Variants in ZNF264 observed in about 807,000 individuals in gnomAD.
ZNF264 encodes the protein zinc finger protein 264.
In ZNF264, 11 loss-of-function variants were observed where a neutral mutation model predicts 11.2. The ratio of observed to expected loss-of-function variants is 0.98; its 90% CI spans 0.62 to 1.63. The LOEUF (loss-of-function observed/expected upper bound fraction) is 1.63, where lower values mean the gene tolerates loss of function less well. Ranked by LOEUF, ZNF264 falls within the 40% of genes most tolerant of loss-of-function variation. ZNF264 has a pLI of 0.00. For synonymous variants in ZNF264, 309 were observed against 279.8 expected, an observed-to-expected ratio of 1.10 and a Z score of -1.04; for missense variants, 752 against 768.1, an observed-to-expected ratio of 0.98 and a Z score of 0.25.
rs534341364 is a variant in ZNF264 at position 57,220,019 on chromosome 19, G to T, written c.*7038G>T. On this transcript the variant is annotated 3_prime_UTR_variant, in exon 4 of 4. Transcript: ENST00000263095. ...CTCTTTCAACATTTACAGCATCTGT[G>T]TGTGGTAGGTAATGTTGTTTCCTTC... 6.6e-5 allele frequency: 10 copies of T among 152,372 alleles called. No individual in the cohort carries two copies. Among genetic ancestry groups the T allele is most frequent in the African/African-American group, 2.4e-4 (10 of 41,592 alleles). 9.4% of individuals were successfully genotyped at this position (152,372 alleles called of 1,614,324 possible). A position where few individuals can be genotyped will look rare whatever the true frequency, so the allele number is the denominator to read the frequency against.
chr19:57,219,476 A>T lies in ZNF264; in HGVS notation c.*6495A>T, dbSNP rs2087402139. 6.6e-6 allele frequency: 1 copy of T among 152,214 alleles called. No individual in the cohort carries two copies. The highest frequency in any genetic ancestry group is 1.5e-5 in the Non-Finnish European group (1 of 68,096). The allele number at this position is 152,214 out of a possible 1,614,324, so 9.4% of individuals were successfully genotyped here. On this transcript the variant is annotated 3_prime_UTR_variant, in exon 4 of 4. Coordinates refer to ENST00000263095, the MANE Select transcript of ZNF264 (RefSeq NM_003417.5). ...GGTCTGTGTAGTTGTTCTGCACACT[A>T]CCCGTCCTCGCCCCTTCTCATTTCC...
Position 57,221,213 on chromosome 19 carries a change from G to C in ZNF264, c.*8232G>C, listed in dbSNP as rs1366629521. Reference sequence around the variant, plus strand: ...CTACAGGTGCCTGCGACCACACCCAGCTAATTTTTGTATTTTTAGTAGTAG... The same window carrying C: ...CTACAGGTGCCTGCGACCACACCCACCTAATTTTTGTATTTTTAGTAGTAG... On this transcript the variant is annotated 3_prime_UTR_variant, in exon 4 of 4. Coordinates refer to ENST00000263095, the MANE Select transcript of ZNF264 (RefSeq NM_003417.5). 6 of 151,926 alleles carry C rather than the reference G, an allele frequency of 3.9e-5. No individual in the cohort carries two copies. 9.4% of individuals were successfully genotyped at this position (151,926 alleles called of 1,614,324 possible). A position where few individuals can be genotyped will look rare whatever the true frequency, so the allele number is the denominator to read the frequency against.
At position 57,191,542 on chromosome 19, in the gene ZNF264, AGGGCCCCGGTCGGGGC is replaced by A; in HGVS notation, c.-371_-356del. 4.2e-6 allele frequency: 1 copy of A among 238,166 alleles called. No individual in the cohort carries two copies. The highest frequency in any genetic ancestry group is 8.0e-6 in the Non-Finnish European group (1 of 124,366). 14.8% of individuals were successfully genotyped at this position (238,166 alleles called of 1,614,324 possible). A position where few individuals can be genotyped will look rare whatever the true frequency, so the allele number is the denominator to read the frequency against. ...TGTCTGGAGAGGTCTGTAGCCACTG[AGGGCCCCGGTCGGGGC>A]CGCTTTGCAGGTCCCTAGTCAGGAC... On this transcript the variant is annotated 5_prime_UTR_variant, in exon 1 of 4. Transcript: ENST00000263095.
Position 57,218,498 on chromosome 19 carries a change from C to A in ZNF264, c.*5517C>A, listed in dbSNP as rs1423359027. 1 of 152,184 alleles carries A rather than the reference C, an allele frequency of 6.6e-6. No individual in the cohort carries two copies. Among genetic ancestry groups the A allele is most frequent in the East Asian group, 1.9e-4 (1 of 5,196 alleles). 9.4% of individuals were successfully genotyped at this position (152,184 alleles called of 1,614,324 possible). A position where few individuals can be genotyped will look rare whatever the true frequency, so the allele number is the denominator to read the frequency against. On this transcript the variant is annotated 3_prime_UTR_variant, in exon 4 of 4. Coordinates refer to ENST00000263095, the MANE Select transcript of ZNF264 (RefSeq NM_003417.5). ...CCTGGTGCTTGCCCAGCTTTTTGATCTGTAGGATTATGCCTTTTGCAAAAT... is the reference window on the plus strand; with the variant it reads ...CCTGGTGCTTGCCCAGCTTTTTGATATGTAGGATTATGCCTTTTGCAAAAT...
intron 2 of ZNF264, among the ~76,000 whole-genome samples, chr19:57,197,277 G>C (rs763872390): frequency 2.7e-4 from 41 of 151,654 alleles, no homozygotes; most frequent in Non-Finnish European, 5.3e-4. Context: ...ATGCTGCTGT[G>C]CGTGACCCAC....
At chr19:57,195,798 A>G (rs1439725784) in intron 2 of ZNF264, among the ~76,000 whole-genome samples, 1 of 151,818 alleles carries the variant, frequency 6.6e-6, no homozygotes, top group Non-Finnish European at 1.5e-5. Context: ...CCAGGTGGCA[A>G]TCTTAACTTC....
intron 3 of ZNF264, among the ~76,000 whole-genome samples, chr19:57,208,479 G>A (rs2122759195): frequency 6.6e-6 from 1 of 152,244 alleles, no homozygotes; most frequent in East Asian, 1.9e-4. Context: ...AGGAGGTCGA[G>A]GCTGAAGTGA....
rs1471109852 is a variant in ZNF264, at chr19:57,217,433, T to C, written c.*4452T>C. ...AGATGTAATTTTTCTTTTCCTTTTT[T>C]TTGAGACCAAGTCTCACTCTGTCAC... On this transcript the variant is annotated 3_prime_UTR_variant, in exon 4 of 4. Transcript: ENST00000263095. The C allele has an allele frequency of 2.0e-5, 3 of 152,180 alleles. No individual in the cohort carries two copies. The highest frequency in any genetic ancestry group is 4.4e-5 in the Non-Finnish European group (3 of 68,028). 9.4% of individuals were successfully genotyped at this position (152,180 alleles called of 1,614,324 possible). A position where few individuals can be genotyped will look rare whatever the true frequency, so the allele number is the denominator to read the frequency against.
chr19:57,218,406 A>C lies in ZNF264; in HGVS notation c.*5425A>C, dbSNP rs993284604. The C allele has an allele frequency of 1.3e-5, 2 of 152,222 alleles. No individual in the cohort carries two copies. Among genetic ancestry groups the C allele is most frequent in the African/African-American group, 4.8e-5 (2 of 41,428 alleles). The allele number at this position is 152,222 out of a possible 1,614,324, so 9.4% of individuals were successfully genotyped here. A position where few individuals can be genotyped will look rare whatever the true frequency, so the allele number is the denominator to read the frequency against. ...ATTCAAAGTGTTTTTCATTGTCTCT[A>C]GTGTTCAGAAGTTTGGCTGTGATGT... On this transcript the variant is annotated 3_prime_UTR_variant, in exon 4 of 4. Coordinates refer to ENST00000263095, the MANE Select transcript of ZNF264 (RefSeq NM_003417.5).
rs2087174150 is a variant in ZNF264, at chr19:57,191,720, C to T, written c.-194C>T. ...TCAGCCCCGCGGTCTCCAGGGGCGG[C>T]GCCCTGGGTCTGGAACGCGGTTGCC... On this transcript the variant is annotated 5_prime_UTR_variant, in exon 1 of 4. Coordinates refer to ENST00000263095, the MANE Select transcript of ZNF264 (RefSeq NM_003417.5). 3 of 412,212 alleles carry T rather than the reference C, an allele frequency of 7.3e-6. No individual in the cohort carries two copies. Among genetic ancestry groups the T allele is most frequent in the Admixed American group, 4.4e-5 (1 of 22,560 alleles). 25.5% of individuals were successfully genotyped at this position (412,212 alleles called of 1,614,324 possible).
In ZNF264 at chr19:57,191,901, A is replaced by AG; in HGVS notation, c.-8dup. 2.0e-6 allele frequency: 3 copies of AG among 1,492,146 alleles called. No homozygotes were observed. The highest frequency in any genetic ancestry group is 2.7e-6 in the Non-Finnish European group (3 of 1,119,056). 92.4% of individuals were successfully genotyped at this position (1,492,146 alleles called of 1,614,324 possible). Reference sequence around the variant, plus strand: ...CTCCTCTGTCCCAGCTCTGCGGCCCAGGGGGTGACGTGATGGCGGCAGCGG... The same window carrying AG: ...CTCCTCTGTCCCAGCTCTGCGGCCCAGGGGGGTGACGTGATGGCGGCAGCGG... On this transcript the variant is annotated 5_prime_UTR_variant, in exon 1 of 4. Coordinates refer to ENST00000263095, the MANE Select transcript of ZNF264 (RefSeq NM_003417.5).
chr19:57,222,143 G>GT lies in ZNF264; in HGVS notation c.*9165dup, dbSNP rs1473225629. The GT allele has an allele frequency of 6.6e-6, 1 of 152,196 alleles. No homozygotes were observed. Among genetic ancestry groups the GT allele is most frequent in the African/African-American group, 2.4e-5 (1 of 41,504 alleles). The allele number at this position is 152,196 out of a possible 1,614,324, so 9.4% of individuals were successfully genotyped here. A position where few individuals can be genotyped will look rare whatever the true frequency, so the allele number is the denominator to read the frequency against. Reference sequence around the variant, plus strand: ...GCGGGTGGATCACTTGAGGTCAGGAGTTTGAGACCAGCCTAGCCAACATGG... The same window carrying GT: ...GCGGGTGGATCACTTGAGGTCAGGAGTTTTGAGACCAGCCTAGCCAACATGG... On this transcript the variant is annotated 3_prime_UTR_variant, in exon 4 of 4. Coordinates refer to ENST00000263095, the MANE Select transcript of ZNF264 (RefSeq NM_003417.5).
intron 1 of ZNF264, chr19:57,192,563 G>T: frequency 1.0e-6 from 1 of 985,350 alleles, no homozygotes; most frequent in South Asian, 4.7e-5. Flanking sequence ...GAAAGAGGCC[G>T]ATGGTTGGTT....
At chr19:57,198,620 G>C (rs1296402845) in intron 2 of ZNF264, among the ~76,000 whole-genome samples, 1 of 151,752 alleles carries the variant, frequency 6.6e-6, no homozygotes, top group African/African-American at 2.4e-5. Context: ...TGTAAGTCAG[G>C]CCTGAGCTAA....
chr19:57,202,597 T>C (rs1455587738), intron 2 of ZNF264, among the ~76,000 whole-genome samples: 1 of 151,788 alleles, frequency 6.6e-6, no homozygotes, highest in African/African-American at 2.4e-5. Context: ...GGAATGTTGA[T>C]GTTTTGAAGC....
At chr19:57,195,466 A>G (rs1161868345) in intron 2 of ZNF264, among the ~76,000 whole-genome samples, 2 of 152,204 alleles carry the variant, frequency 1.3e-5, no homozygotes, top group East Asian at 3.9e-4. Context: ...TTCTGTATTC[A>G]CTTTGCCTTC....
Position 57,212,217 on chromosome 19 carries a change from A to G in ZNF264, c.1120A>G (p.Ser374Gly), listed in dbSNP as rs2087343562. The change falls in exon 4 of 4, where the codon AGT (serine) becomes GGT (glycine). Residue 374 changes from serine to glycine, a missense_variant. Transcript: ENST00000263095. Reference protein sequence around the residue: ...THTGEKPYECSECGKVFLESA... With the variant: ...THTGEKPYECGECGKVFLESA... ...TACCGGGGAGAAGCCCTATGAGTGC[A>G]GTGAATGTGGGAAGGTCTTCTTGGA... is the stretch of plus-strand genomic sequence containing the variant. 2 of 1,613,990 alleles carry G rather than the reference A, an allele frequency of 1.2e-6. No homozygotes were observed. Among genetic ancestry groups the G allele is most frequent in the East Asian group, 2.2e-5 (1 of 44,850 alleles).
At chr19:57,207,624 G>C (rs1241457936) in intron 3 of ZNF264, among the ~76,000 whole-genome samples, 2 of 144,920 alleles carry the variant, frequency 1.4e-5, no homozygotes, top group Non-Finnish European at 3.0e-5. Context: ...GCTCACTGCA[G>C]TCTCTGTGCC....
At chr19:57,198,052 C>T (rs4801441) in intron 2 of ZNF264, among the ~76,000 whole-genome samples, 14,872 of 151,946 alleles carry the variant, frequency 0.098, 1,445 homozygotes, top group African/African-American at 0.23. Flanking sequence ...TTGATAGGCC[C>T]CTAGGGTAGG....
Sources: gnomAD v4.1 joint callset for allele counts (sites outside exome capture counted in the v4.1 genomes callset) on GRCh38, gnomAD v4.1.1 for gene constraint, MANE v1.5 for transcripts, NCBI Gene and HGNC (gene_info 2026-07-23, HGNC 2026-07-21) for gene names.